Variants in MYRFL observed in about 807,000 individuals in gnomAD.
The protein encoded by MYRFL is myelin regulatory factor-like protein.
Under a neutral mutation model 109.4 loss-of-function variants are expected in MYRFL, and 88 were observed. That is an observed-to-expected ratio of 0.80 (90% CI 0.68 to 0.96). The LOEUF (loss-of-function observed/expected upper bound fraction) is 0.96. Among genes scored for constraint, MYRFL ranks in the 40% least tolerant of loss-of-function variants. The probability of loss-of-function intolerance (pLI) is 0.00; values close to 1 mark genes in which losing one functional copy is unlikely to be tolerated. For synonymous variants in MYRFL, 324 were observed against 320.9 expected (o/e 1.01, Z -0.10); for missense variants, 957 against 954.9 (o/e 1.00, Z -0.03).
At chr12:69,848,283 G>A (rs1251401580) in intron 1 of MYRFL, among the ~76,000 whole-genome samples, 1 of 151,756 alleles carries the variant, frequency 6.6e-6, no homozygotes, top group African/African-American at 2.4e-5. Context: ...TTTCACATTA[G>A]CATTCTTTGA....
rs540898762 is a variant in MYRFL, at chr12:69,879,169, C to T, written c.206-26C>T. Reference sequence around the variant, plus strand: ...TCGACTCTGGGCCGTGAGAAAGGGGCACTTCCTGCTTGTGTCTCTCCCCAG... The same window carrying T: ...TCGACTCTGGGCCGTGAGAAAGGGGTACTTCCTGCTTGTGTCTCTCCCCAG... On this transcript the variant is annotated intron_variant, in intron 3 of 24. Coordinates refer to ENST00000552032, the MANE Select transcript of MYRFL (RefSeq NM_182530.3). 53 of 692,370 alleles carry T rather than the reference C, an allele frequency of 7.7e-5. No individual in the cohort carries two copies. The Admixed American group carries it at 1.1e-3, about 14-fold the overall frequency. The allele number at this position is 692,370 out of a possible 1,614,324, so 42.9% of individuals were successfully genotyped here.
At chr12:69,854,110 C>G (rs530595138) in intron 1 of MYRFL, among the ~76,000 whole-genome samples, 1 of 152,190 alleles carries the variant, frequency 6.6e-6, no homozygotes, top group Non-Finnish European at 1.5e-5. Context: ...CTCGGGAGGC[C>G]GAGGCGGGCA....
intron 2 of MYRFL, among the ~76,000 whole-genome samples, chr12:69,862,423 A>C (rs1457589224): frequency 1.1e-4 from 16 of 151,984 alleles, no homozygotes; most frequent in East Asian, 3.9e-4. Flanking sequence ...CTTTTATTTC[A>C]TTGAGCAGTG....
chr12:69,856,239 A>T (rs144572869), intron 2 of MYRFL, among the ~76,000 whole-genome samples: 121 of 152,270 alleles, frequency 7.9e-4, no homozygotes, highest in African/African-American at 2.9e-3. Context: ...TCAATATTTC[A>T]TTCCTTCTTT....
intron 8 of MYRFL, 136 bp from the exon 9 acceptor site, chr12:69,895,235 A>G: frequency 6.2e-6 from 4 of 649,276 alleles, no homozygotes; most frequent in South Asian, 2.0e-5. Context: ...ATCGGGGACT[A>G]GAATAAACTG....
At chr12:69,869,679 T>C (rs1031956323) in intron 2 of MYRFL, among the ~76,000 whole-genome samples, 1 of 152,208 alleles carries the variant, frequency 6.6e-6, no homozygotes, top group Non-Finnish European at 1.5e-5. Flanking sequence ...GTTGGTGTTG[T>C]ATGAAGGCAC....
At chr12:69,850,034 G>C (rs927084360) in intron 1 of MYRFL, among the ~76,000 whole-genome samples, 4 of 152,112 alleles carry the variant, frequency 2.6e-5, no homozygotes, top group African/African-American at 9.7e-5. Context: ...GAATCATAGG[G>C]GGAGGTCTTT....
At chr12:69,922,188 T>G (rs1165167978) in intron 13 of MYRFL, among the ~76,000 whole-genome samples, 1 of 152,084 alleles carries the variant, frequency 6.6e-6, no homozygotes, top group Non-Finnish European at 1.5e-5. Flanking sequence ...CTGGTGGACA[T>G]CAGCTGACCA....
chr12:69,925,559 C>T (rs545485131), intron 13 of MYRFL, among the ~76,000 whole-genome samples: 5 of 151,776 alleles, frequency 3.3e-5, no homozygotes, highest in Admixed American at 2.0e-4. Context: ...AACTTGCAAA[C>T]AGAGAGAAAG....
rs557577228 is a variant in MYRFL at position 69,926,829 on chromosome 12, C to G, written c.1766+95C>G. On this transcript the variant is annotated intron_variant, in intron 14 of 24. Transcript: ENST00000552032. ...AATCTAAATGGTCTTTTTGATCAAA[C>G]AGCAACCGCTACTTTCTGATAATGA... 1.0e-4 allele frequency: 115 copies of G among 1,098,742 alleles called. No homozygotes were observed. The South Asian group carries it at 4.2e-3, about 40-fold the overall frequency. The allele number at this position is 1,098,742 out of a possible 1,614,324, so 68.1% of individuals were successfully genotyped here. A position where few individuals can be genotyped will look rare whatever the true frequency, so the allele number is the denominator to read the frequency against.
intron 1 of MYRFL, among the ~76,000 whole-genome samples, chr12:69,850,197 T>A (rs1236562405): frequency 6.6e-6 from 1 of 152,198 alleles, no homozygotes; most frequent in African/African-American, 2.4e-5. Flanking sequence ...CCTATCTATG[T>A]GGAATTGTAA....
intron 10 of MYRFL, among the ~76,000 whole-genome samples, chr12:69,901,827 T>G (rs964232954): frequency 2.0e-5 from 3 of 152,084 alleles, no homozygotes; most frequent in African/African-American, 7.2e-5. Context: ...GTTTTTACTT[T>G]ATACTCTTCC....
At chr12:69,852,211 G>C (rs1036895079) in intron 1 of MYRFL, among the ~76,000 whole-genome samples, 1 of 152,130 alleles carries the variant, frequency 6.6e-6, no homozygotes, top group Non-Finnish European at 1.5e-5. Context: ...GGGGTTGGCA[G>C]GCATCCTAAA....
chr12:69,857,933 T>C (rs1399269994), intron 2 of MYRFL, among the ~76,000 whole-genome samples: 1 of 151,896 alleles, frequency 6.6e-6, no homozygotes, highest in African/African-American at 2.4e-5. Context: ...CATATTTGCC[T>C]TGTCCATGAC....
At chr12:69,942,939 C>T (rs1955708875) in intron 19 of MYRFL, among the ~76,000 whole-genome samples, 1 of 151,988 alleles carries the variant, frequency 6.6e-6, no homozygotes, top group Admixed American at 6.6e-5. Flanking sequence ...ACAATTGCTT[C>T]AAAGAGAATA....
intron 19 of MYRFL, among the ~76,000 whole-genome samples, chr12:69,945,035 A>AAGAT (rs957362134): frequency 6.6e-6 from 1 of 152,176 alleles, no homozygotes; most frequent in Non-Finnish European, 1.5e-5. Flanking sequence ...AATTAAAATA[A>AAGAT]AGATATAAAG....
intron 5 of MYRFL, among the ~76,000 whole-genome samples, chr12:69,885,166 GA>G (rs777607913): frequency 1.3e-5 from 2 of 152,128 alleles, no homozygotes; most frequent in Non-Finnish European, 2.9e-5. Context: ...AGAGCACGAA[GA>G]GCTCCTTGCA....
Position 69,897,257 on chromosome 12 carries a change from T to G in MYRFL, c.1182+11T>G. The G allele has an allele frequency of 6.5e-7, 1 of 1,530,422 alleles. No individual in the cohort carries two copies. The highest frequency in any genetic ancestry group is 1.2e-5 in the South Asian group (1 of 83,904). 94.8% of individuals were successfully genotyped at this position (1,530,422 alleles called of 1,614,324 possible). A position where few individuals can be genotyped will look rare whatever the true frequency, so the allele number is the denominator to read the frequency against. ...AGGATCATTGTAAGGGTAAGCTCAGTTCTCTGACTTTTCTGGATCTCACAT... is the reference window on the plus strand; with the variant it reads ...AGGATCATTGTAAGGGTAAGCTCAGGTCTCTGACTTTTCTGGATCTCACAT... On this transcript the variant is annotated intron_variant, in intron 10 of 24. Transcript: ENST00000552032.
At chr12:69,887,729 TGG>T (rs1886546986) in intron 6 of MYRFL, among the ~76,000 whole-genome samples, 1 of 152,208 alleles carries the variant, frequency 6.6e-6, no homozygotes, top group Non-Finnish European at 1.5e-5. Flanking sequence ...AGGACTTTCA[TGG>T]TGGATGTACT....
Sources: gnomAD v4.1 joint callset for allele counts (sites outside exome capture counted in the v4.1 genomes callset) on GRCh38, gnomAD v4.1.1 for gene constraint, MANE v1.5 for transcripts, NCBI Gene and HGNC (gene_info 2026-07-23, HGNC 2026-07-21) for gene names.